The following HOMEZ variants were observed in gnomAD, a reference collection of about 807,000 sequenced individuals.
HOMEZ encodes the protein homeobox and leucine zipper encoding.
In HOMEZ, 20 loss-of-function variants were observed where a neutral mutation model predicts 50.1. The ratio of observed to expected loss-of-function variants is 0.40; its 90% CI spans 0.28 to 0.58. The LOEUF is 0.58. HOMEZ is among the 20% of genes least tolerant of loss of function. The pLI is 0.46. For missense variants in HOMEZ, 579 were observed against 680.5 expected, an observed-to-expected ratio of 0.85 and a Z score of 1.66; for synonymous variants, 239 against 254.7, an observed-to-expected ratio of 0.94 and a Z score of 0.59.
intron 1 of HOMEZ, chr14:23,285,661 A>G (rs1004595961): frequency 5.1e-6 from 2 of 389,302 alleles, no homozygotes; most frequent in East Asian, 7.3e-5. Flanking sequence ...AAGCCCCATG[A>G]GGCAGGCGAA....
In HOMEZ at chr14:23,275,990, T is replaced by A; in HGVS notation, c.1238A>T (p.His413Leu). 1 of 1,613,332 alleles carries A rather than the reference T, an allele frequency of 6.2e-7. No homozygotes were observed. Among genetic ancestry groups the A allele is most frequent in the Non-Finnish European group, 8.5e-7 (1 of 1,179,576 alleles). The change falls in exon 2 of 2, where the codon CAT (histidine) becomes CTT (leucine). Residue 413 changes from histidine to leucine, a missense_variant. Coordinates refer to ENST00000357460, the MANE Select transcript of HOMEZ (RefSeq NM_020834.3). Reference sequence around the variant, plus strand: ...GTCCCGAAACCACTTTAGTTGCCCATGCTTCAAGGCATAGCGTGTGTCACC... The same window carrying A: ...GTCCCGAAACCACTTTAGTTGCCCAAGCTTCAAGGCATAGCGTGTGTCACC... ...WFGDTRYALKHGQLKWFRDNA... is the reference protein window; with the variant it reads ...WFGDTRYALKLGQLKWFRDNA...
rs2140498467 is a variant in HOMEZ at position 23,273,610 on chromosome 14, G to A, written c.*1965C>T. On this transcript the variant is annotated 3_prime_UTR_variant, in exon 2 of 2. Coordinates refer to ENST00000357460, the MANE Select transcript of HOMEZ (RefSeq NM_020834.3). ...AAATAGGTTAGCCACTCACAAGCTG[G>A]CCTTAAGCAAAAATACTGGAAAAAC... 6.6e-6 allele frequency: 1 copy of A among 152,332 alleles called. No individual in the cohort carries two copies. Among genetic ancestry groups the A allele is most frequent in the East Asian group, 1.9e-4 (1 of 5,190 alleles). The allele number at this position is 152,332 out of a possible 1,614,324, so 9.4% of individuals were successfully genotyped here. A position where few individuals can be genotyped will look rare whatever the true frequency, so the allele number is the denominator to read the frequency against.
At chr14:23,282,807 C>G (rs1490774777) in intron 1 of HOMEZ, among the ~76,000 whole-genome samples, 1 of 152,192 alleles carries the variant, frequency 6.6e-6, no homozygotes, top group Non-Finnish European at 1.5e-5. Flanking sequence ...GTGTAACATA[C>G]AGTACTGCAA....
chr14:23,275,292 C>T lies in HOMEZ; in HGVS notation c.*283G>A. On this transcript the variant is annotated 3_prime_UTR_variant, in exon 2 of 2. Transcript: ENST00000357460. ...AAAAAAACAGCAGACACGAGGAGAG[C>T]AAGAGCAGCTTCCCAGCCCATGGTT... The T allele has an allele frequency of 1.1e-5, 5 of 443,972 alleles. No homozygotes were observed. Among genetic ancestry groups the T allele is most frequent in the South Asian group, 8.2e-5 (2 of 24,506 alleles). 27.5% of individuals were successfully genotyped at this position (443,972 alleles called of 1,614,324 possible).
chr14:23,276,742 T>C lies in HOMEZ; in HGVS notation c.486A>G (p.Gln162=), dbSNP rs1226296453. 1 of 1,613,898 alleles carries C rather than the reference T, an allele frequency of 6.2e-7. No homozygotes were observed. Among genetic ancestry groups the C allele is most frequent in the East Asian group, 2.2e-5 (1 of 44,898 alleles). ...TTGGAGGACCTATTCCAATACCAAC[T>C]TGCTCTGGAGCTGGCACTGGAGGAG... The part of the protein sequence containing the change: ...VPPPPVPAPE[Q]VGIGIGPPTL... The change falls in exon 2 of 2, where the codon CAA becomes CAG. Residue 162 remains glutamine, a synonymous_variant. Transcript: ENST00000357460. This position sits in a 1 kb window ranked among gnomAD's most constrained non-coding sequence, Gnocchi z 4.1.
chr14:23,280,701 A>ATCT (rs1349289532), intron 1 of HOMEZ, among the ~76,000 whole-genome samples: 1 of 69,996 alleles, frequency 1.4e-5, no homozygotes. Flanking sequence ...TTTTATTTTT[A>ATCT]TATTTTTATT....
chr14:23,280,709 A>ATTTTTTTATTT (rs1031806493), intron 1 of HOMEZ, among the ~76,000 whole-genome samples: 1 of 49,800 alleles, frequency 2.0e-5, no homozygotes, highest in African/African-American at 5.6e-5. Context: ...TTATATTTTT[A>ATTTTTTTATTT]TTTTTATTTT....
In HOMEZ at chr14:23,276,908, C is replaced by A; in HGVS notation, c.320G>T (p.Arg107Leu). Residue 107 changes from arginine (R) to leucine (L), a missense_variant, in exon 2 of 2, where the codon CGC becomes CTC. Physicochemically the swap from Arg to Leu is moderately radical, Grantham distance 102. Coordinates refer to ENST00000357460, the MANE Select transcript of HOMEZ (RefSeq NM_020834.3). This position sits in a 1 kb window ranked among gnomAD's most constrained non-coding sequence, Gnocchi z 4.1. The stretch of plus-strand genomic sequence containing the variant: ...TGACCAGCTAATACCACAGCGGAGG[C>A]GCTGGGCCATAAACCAAGTCTTGAC... ...EKVKTWFMAQ[R>L]LRCGISWSSE... The A allele has an allele frequency of 6.2e-7, 1 of 1,614,078 alleles. No individual in the cohort carries two copies. Among genetic ancestry groups the A allele is most frequent in the Non-Finnish European group, 8.5e-7 (1 of 1,179,904 alleles).
chr14:23,282,749 T>A (rs1354493363), intron 1 of HOMEZ, among the ~76,000 whole-genome samples: 1 of 152,226 alleles, frequency 6.6e-6, no homozygotes, highest in Admixed American at 6.5e-5. Context: ...TACTTTCGTT[T>A]AGGTGGCTTG....
At chr14:23,278,310 C>T (rs1179386677) in intron 1 of HOMEZ, among the ~76,000 whole-genome samples, 1 of 152,074 alleles carries the variant, frequency 6.6e-6, no homozygotes, top group South Asian at 2.1e-4. Context: ...AGTGAAGACT[C>T]AACCACAAAA....
rs1886654267 is a variant in HOMEZ, at chr14:23,285,960, G to A, written c.-8C>T. 8.1e-7 allele frequency: 1 copy of A among 1,242,162 alleles called. No individual in the cohort carries two copies. Among genetic ancestry groups the A allele is most frequent in the East Asian group, 3.2e-5 (1 of 31,696 alleles). The allele number at this position is 1,242,162 out of a possible 1,614,324, so 76.9% of individuals were successfully genotyped here. On this transcript the variant is annotated 5_prime_UTR_variant, in exon 1 of 2. Coordinates refer to ENST00000357460, the MANE Select transcript of HOMEZ (RefSeq NM_020834.3). The stretch of plus-strand genomic sequence containing the variant: ...CTCCCAGCCTCGCACCATGGGCCGG[G>A]GGGAAGTGGGGGAGAGGGCAGGGGG...
chr14:23,279,495 A>G (rs1016101026), intron 1 of HOMEZ, among the ~76,000 whole-genome samples: 14 of 152,172 alleles, frequency 9.2e-5, no homozygotes, highest in Non-Finnish European at 1.6e-4. Context: ...GCAGAGCAGG[A>G]AATCGGAAGG....
intron 1 of HOMEZ, among the ~76,000 whole-genome samples, chr14:23,279,306 C>A (rs1182735205): frequency 2.0e-5 from 3 of 152,048 alleles, no homozygotes; most frequent in South Asian, 4.1e-4. Flanking sequence ...ATAGATGGAG[C>A]AGTGGTGAGC....
Position 23,273,794 on chromosome 14 carries a change from GT to G in HOMEZ, c.*1780del, listed in dbSNP as rs1275157689. ...AAGGGCCTGTCCTGTAGCAAATGGA[GT>G]TACCTCCAAGACTGTTGTATCTCTG... On this transcript the variant is annotated 3_prime_UTR_variant, in exon 2 of 2. Transcript: ENST00000357460. 1 of 152,232 alleles carries G rather than the reference GT, an allele frequency of 6.6e-6. No individual in the cohort carries two copies. Among genetic ancestry groups the G allele is most frequent in the Non-Finnish European group, 1.5e-5 (1 of 68,038 alleles). 9.4% of individuals were successfully genotyped at this position (152,232 alleles called of 1,614,324 possible). A position where few individuals can be genotyped will look rare whatever the true frequency, so the allele number is the denominator to read the frequency against.
At position 23,275,326 on chromosome 14, in the gene HOMEZ, T is replaced by A. The variant is rs975913757; in HGVS notation, c.*249A>T. On this transcript the variant is annotated 3_prime_UTR_variant, in exon 2 of 2. Coordinates refer to ENST00000357460, the MANE Select transcript of HOMEZ (RefSeq NM_020834.3). ...CTTCCCAGCCCATGGTTTCCCCAGATCCTTAGCACTCCCTACCCTAAGGTT... is the reference window on the plus strand; with the variant it reads ...CTTCCCAGCCCATGGTTTCCCCAGAACCTTAGCACTCCCTACCCTAAGGTT... The A allele has an allele frequency of 5.9e-6, 3 of 508,376 alleles. No homozygotes were observed. The African/African-American group carries it at 5.9e-5, about 10-fold the overall frequency. The allele number at this position is 508,376 out of a possible 1,614,324, so 31.5% of individuals were successfully genotyped here.
rs1198029726 is a variant in HOMEZ at position 23,274,454 on chromosome 14, T to C, written c.*1121A>G. 6.6e-6 allele frequency: 1 copy of C among 152,648 alleles called. No homozygotes were observed. The highest frequency in any genetic ancestry group is 1.5e-5 in the Non-Finnish European group (1 of 68,040). The allele number at this position is 152,648 out of a possible 1,614,324, so 9.5% of individuals were successfully genotyped here. A position where few individuals can be genotyped will look rare whatever the true frequency, so the allele number is the denominator to read the frequency against. ...CTGTTTAAAAGGACATCTTCCCTAA[T>C]TACCACCTCCAATAAATATCCATTC... On this transcript the variant is annotated 3_prime_UTR_variant, in exon 2 of 2. Transcript: ENST00000357460.
At position 23,277,297 on chromosome 14, in the gene HOMEZ, A is replaced by T. The variant is rs989434243; in HGVS notation, c.41-110T>A. 4.9e-6 allele frequency: 5 copies of T among 1,018,606 alleles called. No homozygotes were observed. The Admixed American group carries it at 1.5e-4, about 31-fold the overall frequency. 63.1% of individuals were successfully genotyped at this position (1,018,606 alleles called of 1,614,324 possible). ...CCAGAACAATTTAATCTGTATTTGT[A>T]TCATGTTGTATTGCTTTTTAAGTGC... On this transcript the variant is annotated intron_variant, in intron 1 of 1. Transcript: ENST00000357460.
chr14:23,272,645 C>T lies in HOMEZ; in HGVS notation c.*2930G>A. On this transcript the variant is annotated 3_prime_UTR_variant, in exon 2 of 2. Coordinates refer to ENST00000357460, the MANE Select transcript of HOMEZ (RefSeq NM_020834.3). ...TACTGAAATGTTCCAGAGATTGTCA[C>T]ACTAGATGTAGCAAATCCTAGTTTG... The T allele has an allele frequency of 1.6e-6, 1 of 622,638 alleles. No homozygotes were observed. Among genetic ancestry groups the T allele is most frequent in the Non-Finnish European group, 2.9e-6 (1 of 348,616 alleles). 38.6% of individuals were successfully genotyped at this position (622,638 alleles called of 1,614,324 possible).
chr14:23,277,005 T>G lies in HOMEZ; in HGVS notation c.223A>C (p.Ser75Arg). ...DSNEHLLKTFSYFPYPSLADI... is the reference protein window; with the variant it reads ...DSNEHLLKTFRYFPYPSLADI... ...GCTAGGCTGGGATAGGGAAAGTAGCTGAAGGTTTTGAGCAGGTGTTCATTG... is the reference window on the plus strand; with the variant it reads ...GCTAGGCTGGGATAGGGAAAGTAGCGGAAGGTTTTGAGCAGGTGTTCATTG... The change falls in exon 2 of 2, where the codon AGC (serine) becomes CGC (arginine). Residue 75 changes from serine to arginine, a missense_variant. Ser to Arg is a moderately radical substitution (Grantham distance 110, BLOSUM62 -1). Coordinates refer to ENST00000357460, the MANE Select transcript of HOMEZ (RefSeq NM_020834.3). 1 of 1,614,062 alleles carries G rather than the reference T, an allele frequency of 6.2e-7. No homozygotes were observed. The highest frequency in any genetic ancestry group is 8.5e-7 in the Non-Finnish European group (1 of 1,179,904).
Sources: allele counts gnomAD v4.1 joint callset (sites outside exome capture counted in the v4.1 genomes callset), GRCh38; gene constraint gnomAD v4.1.1; non-coding constraint Gnocchi (gnomAD v3.1); transcripts MANE v1.5; gene names NCBI Gene and HGNC (gene_info 2026-07-23, HGNC 2026-07-21).